CCNY: variants seen among roughly 807,000 people sequenced by gnomAD.
The protein encoded by CCNY is cyclin Y.
Under a neutral mutation model 42.8 loss-of-function variants are expected in CCNY, and 19 were observed. The observed-to-expected ratio is 0.44, with a 90% CI of 0.31 to 0.65. The LOEUF is 0.65. Ranked by LOEUF, CCNY falls within the 30% of genes least tolerant of loss-of-function variation. The probability of loss-of-function intolerance (pLI) is 0.07; values close to 1 mark genes in which losing one functional copy is unlikely to be tolerated. For synonymous variants in CCNY, 165 were observed against 162.7 expected (o/e 1.01, Z -0.11); for missense variants, 370 against 437.3 (o/e 0.85, Z 1.37).
intron 3 of CCNY, among the ~76,000 whole-genome samples, chr10:35,275,759 T>A (rs1176366112): frequency 6.7e-6 from 1 of 150,218 alleles, no homozygotes; most frequent in Non-Finnish European, 1.5e-5. Context: ...CGAGACTCCG[T>A]CTCAAAAAAA....
At chr10:35,465,905 A>AAGAGAGAGAGAGAGAGAGAG (rs56166429) in intron 1 of CCNY, among the ~76,000 whole-genome samples, 29 of 99,230 alleles carry the variant, frequency 2.9e-4, no homozygotes, top group African/African-American at 5.1e-4. Context: ...GGGTAGGGGG[A>AAGAGAGAGAGAGAGAGAGAG]AGAGAGAGAG....
At chr10:35,436,910 G>A (rs1489582171) in intron 1 of CCNY, among the ~76,000 whole-genome samples, 1 of 152,122 alleles carries the variant, frequency 6.6e-6, no homozygotes, top group Non-Finnish European at 1.5e-5. Context: ...ACCTGAGACT[G>A]GGTAATTTAT....
At chr10:35,450,175 G>A (rs899637009) in intron 1 of CCNY, among the ~76,000 whole-genome samples, 10 of 152,064 alleles carry the variant, frequency 6.6e-5, no homozygotes, top group African/African-American at 2.4e-4. Context: ...GTGGAATCGG[G>A]CTTTGTGGTC....
intron 3 of CCNY, among the ~76,000 whole-genome samples, chr10:35,505,282 A>T (rs1840192940): frequency 2.0e-5 from 3 of 152,124 alleles, no homozygotes; most frequent in Non-Finnish European, 4.4e-5. Flanking sequence ...GTTAAAAAAA[A>T]AAAAAAGATG....
Position 35,371,866 on chromosome 10 carries a change from T to G in CCNY, c.154+34659T>G, listed in dbSNP as rs534356470. On this transcript the variant is annotated intron_variant, in intron 1 of 9. Coordinates refer to ENST00000374704, the MANE Select transcript of CCNY (RefSeq NM_145012.6). ...GAGGATGATCAGCAATTCTGAGTTCTTAAGCAAGTCCATGAAGACTGAGCA... is the reference window on the plus strand; with the variant it reads ...GAGGATGATCAGCAATTCTGAGTTCGTAAGCAAGTCCATGAAGACTGAGCA... Among the ~76,000 whole-genome samples, 4 of 152,340 alleles carry G rather than the reference T, an allele frequency of 2.6e-5. No individual in the cohort carries two copies. In the South Asian group the frequency reaches 8.3e-4, roughly 32 times the overall value.
At chr10:35,313,893 T>C (rs555083842) in intron 3 of CCNY, among the ~76,000 whole-genome samples, 1 of 150,918 alleles carries the variant, frequency 6.6e-6, no homozygotes, top group East Asian at 2.0e-4. Context: ...GGAGGATCAC[T>C]TCAGCCTGGG....
intron 1 of CCNY, among the ~76,000 whole-genome samples, chr10:35,431,215 T>C (rs901319673): frequency 6.6e-6 from 1 of 152,030 alleles, no homozygotes; most frequent in Non-Finnish European, 1.5e-5. Flanking sequence ...AGAAGCATAA[T>C]TTAAATTACT....
intron 3 of CCNY, among the ~76,000 whole-genome samples, chr10:35,509,320 G>A (rs1840275521): frequency 6.6e-6 from 1 of 152,188 alleles, no homozygotes; most frequent in Non-Finnish European, 1.5e-5. Context: ...CTGTCACCCA[G>A]GCTGGAGTAC....
intron 3 of CCNY, among the ~76,000 whole-genome samples, chr10:35,281,572 G>A (rs1835299604): frequency 6.6e-6 from 1 of 151,984 alleles, no homozygotes; most frequent in African/African-American, 2.4e-5. Flanking sequence ...AAAGTGCTTG[G>A]GATTACAGGC....
rs913782897 is a variant in CCNY, at chr10:35,322,122, G to A, written c.-9+71496G>A. ...TGTAATCCCAGCACTATGGGAGAAC[G>A]AAGCGGGTGGATCACCAGGTCAGGA... is the stretch of plus-strand genomic sequence containing the variant. On this transcript the variant is annotated intron_variant, in intron 3 of 11. Transcript: ENST00000374706. Among the ~76,000 whole-genome samples the A allele has an allele frequency of 3.3e-5, 5 of 152,198 alleles. No individual in the cohort carries two copies. The East Asian group carries it at 9.6e-4, about 29-fold the overall frequency.
chr10:35,482,332 T>G (rs1040461763), intron 1 of CCNY, among the ~76,000 whole-genome samples: 8 of 152,256 alleles, frequency 5.3e-5, no homozygotes, highest in Non-Finnish European at 8.8e-5. Flanking sequence ...GAAGTTTTAT[T>G]CTGACTCTCT....
intron 3 of CCNY, among the ~76,000 whole-genome samples, chr10:35,286,789 C>T (rs1367958238): frequency 6.6e-6 from 1 of 150,928 alleles, no homozygotes; most frequent in Non-Finnish European, 1.5e-5. Flanking sequence ...TCTCCTAAGT[C>T]GCTGGAATTA....
At chr10:35,449,824 T>C in intron 1 of CCNY, 1 of 984,406 alleles carries the variant, frequency 1.0e-6, no homozygotes, top group Non-Finnish European at 1.2e-6. Context: ...AAGTTGAGAG[T>C]GCCAGGGAGT....
At chr10:35,417,179 G>A (rs1356421791) in intron 1 of CCNY, among the ~76,000 whole-genome samples, 2 of 152,216 alleles carry the variant, frequency 1.3e-5, no homozygotes, top group Admixed American at 1.3e-4. Context: ...TGGAATGCCA[G>A]TCTTTGCTTT....
At position 35,572,271 on chromosome 10, in the gene CCNY, C is replaced by T. The variant is rs1282030922; in HGVS notation, c.*3101C>T. 1 of 152,132 alleles carries T rather than the reference C, an allele frequency of 6.6e-6. No homozygotes were observed. The highest frequency in any genetic ancestry group is 1.5e-5 in the Non-Finnish European group (1 of 68,092). The allele number at this position is 152,132 out of a possible 1,614,324, so 9.4% of individuals were successfully genotyped here. On this transcript the variant is annotated 3_prime_UTR_variant, in exon 10 of 10. Transcript: ENST00000374704. ...ACTTCTCACCTGGGGCCATATTTTA[C>T]AGATTTGAATTTTTTTTTTTCTTTT...
intron 3 of CCNY, among the ~76,000 whole-genome samples, chr10:35,514,028 G>A (rs1309183600): frequency 7.1e-6 from 1 of 141,802 alleles, no homozygotes; most frequent in African/African-American, 2.7e-5. Flanking sequence ...GTACCACACA[G>A]CAGGAGGTGT....
chr10:35,525,461 A>G (rs973757458), intron 4 of CCNY, among the ~76,000 whole-genome samples: 1 of 152,236 alleles, frequency 6.6e-6, no homozygotes, highest in Non-Finnish European at 1.5e-5. Context: ...TAAAAGTTAC[A>G]GTACCATTTC....
chr10:35,410,388 G>T (rs1837877607), intron 1 of CCNY, among the ~76,000 whole-genome samples: 1 of 152,144 alleles, frequency 6.6e-6, no homozygotes, highest in African/African-American at 2.4e-5. Context: ...ATTTCTAAGA[G>T]ATTTTTTTCT....
chr10:35,351,708 T>A (rs1836433645), intron 1 of CCNY, among the ~76,000 whole-genome samples: 1 of 152,236 alleles, frequency 6.6e-6, no homozygotes, highest in Non-Finnish European at 1.5e-5. Context: ...TATAATACCA[T>A]TGGAACAAGA....
Sources: allele counts gnomAD v4.1 joint callset (sites outside exome capture counted in the v4.1 genomes callset), GRCh38; gene constraint gnomAD v4.1.1; transcripts MANE v1.5; gene names NCBI Gene and HGNC (gene_info 2026-07-23, HGNC 2026-07-21).